TNFRSF6B: variants seen among roughly 807,000 people sequenced by gnomAD.
TNFRSF6B encodes tumor necrosis factor receptor superfamily member 6B.
In TNFRSF6B, 23 loss-of-function variants were observed where a neutral mutation model predicts 17.9. That is an observed-to-expected ratio of 1.28 (90% CI 0.92 to 1.82). The LOEUF (loss-of-function observed/expected upper bound fraction) is 1.82, where lower values mean the gene tolerates loss of function less well. Among genes scored for constraint, TNFRSF6B ranks in the 40% most tolerant of loss-of-function variants. The pLI, the probability that TNFRSF6B is intolerant of heterozygous loss-of-function variation, is 0.00. For synonymous variants in TNFRSF6B, 291 were observed against 195.8 expected (o/e 1.49, Z -4.06); for missense variants, 555 against 437.2 (o/e 1.27, Z -2.40).
chr20:63,696,692 GAGGTGGCATGTCGGTCAGGCACAGC>G lies in TNFRSF6B; in HGVS notation c.-72_-48del. The G allele has an allele frequency of 1.4e-6, 2 of 1,423,634 alleles. No homozygotes were observed. Among genetic ancestry groups the G allele is most frequent in the Non-Finnish European group, 1.8e-6 (2 of 1,083,784 alleles). The allele number at this position is 1,423,634 out of a possible 1,614,324, so 88.2% of individuals were successfully genotyped here. A position where few individuals can be genotyped will look rare whatever the true frequency, so the allele number is the denominator to read the frequency against. Reference sequence around the variant, plus strand: ...CTCCGCAGGCGGACCGGGGGCAAAGGAGGTGGCATGTCGGTCAGGCACAGCAGGGTCCTGTGTCCGCGCTGAGCCG... The same window carrying G: ...CTCCGCAGGCGGACCGGGGGCAAAGGAGGGTCCTGTGTCCGCGCTGAGCCG... On this transcript the variant is annotated 5_prime_UTR_variant, in exon 1 of 3. It removes an upstream start codon present in the reference 5' UTR. Coordinates refer to ENST00000369996, the MANE Select transcript of TNFRSF6B (RefSeq NM_003823.4).
Position 63,697,373 on chromosome 20 carries a change from C to A in TNFRSF6B, c.470C>A (p.Thr157Asn). 6.2e-7 allele frequency: 1 copy of A among 1,612,244 alleles called. No individual in the cohort carries two copies. Among genetic ancestry groups the A allele is most frequent in the Non-Finnish European group, 8.5e-7 (1 of 1,179,764 alleles). Reference sequence around the variant, plus strand: ...CAGTGCCAGCCGTGCCCCCCAGGCACCTTCTCAGCCAGCAGCTCCAGCTCA... The same window carrying A: ...CAGTGCCAGCCGTGCCCCCCAGGCAACTTCTCAGCCAGCAGCTCCAGCTCA... Reference protein sequence around the residue: ...NTQCQPCPPGTFSASSSSSEQ... With the variant: ...NTQCQPCPPGNFSASSSSSEQ... The change falls in exon 2 of 3, where the codon ACC becomes AAC. Residue 157 changes from threonine to asparagine, a missense_variant. Transcript: ENST00000369996.
At position 63,696,716 on chromosome 20, in the gene TNFRSF6B, G is replaced by C. The variant is rs1328788840; in HGVS notation, c.-52G>C. 1.4e-6 allele frequency: 2 copies of C among 1,472,968 alleles called. No homozygotes were observed. The highest frequency in any genetic ancestry group is 2.8e-5 in the African/African-American group (2 of 71,352). The allele number at this position is 1,472,968 out of a possible 1,614,324, so 91.2% of individuals were successfully genotyped here. A position where few individuals can be genotyped will look rare whatever the true frequency, so the allele number is the denominator to read the frequency against. On this transcript the variant is annotated 5_prime_UTR_variant, in exon 1 of 3. Coordinates refer to ENST00000369996, the MANE Select transcript of TNFRSF6B (RefSeq NM_003823.4). Reference sequence around the variant, plus strand: ...GGAGGTGGCATGTCGGTCAGGCACAGCAGGGTCCTGTGTCCGCGCTGAGCC... The same window carrying C: ...GGAGGTGGCATGTCGGTCAGGCACACCAGGGTCCTGTGTCCGCGCTGAGCC...
In TNFRSF6B at chr20:63,698,444, A is replaced by C. The variant is rs2091034515; in HGVS notation, c.784A>C (p.Thr262Pro). The C allele has an allele frequency of 6.4e-7, 1 of 1,569,392 alleles. No individual in the cohort carries two copies. Among genetic ancestry groups the C allele is most frequent in the Non-Finnish European group, 8.6e-7 (1 of 1,162,188 alleles). The change falls in exon 3 of 3, where the codon ACG becomes CCG. Residue 262 changes from threonine to proline, a missense_variant. By Grantham distance (38) the Thr-to-Pro change is conservative. Transcript: ENST00000369996. ...GCAGCTGAAGCTGCGTCGGCGGCTC[A>C]CGGAGCTCCTGGGGGCGCAGGACGG... is the stretch of plus-strand genomic sequence containing the variant. ...ALQLKLRRRL[T>P]ELLGAQDGAL...
intron 2 of TNFRSF6B, 118 bp downstream of exon 2, chr20:63,697,640 C>T (rs766014205): frequency 1.7e-6 from 2 of 1,174,026 alleles, no homozygotes; most frequent in East Asian, 2.7e-5. Context: ...GAAGGGGCCA[C>T]AGTGGATTTG....
rs780421234 is a variant in TNFRSF6B at position 63,697,282 on chromosome 20, C to T, written c.425-46C>T. 9 of 1,580,554 alleles carry T rather than the reference C, an allele frequency of 5.7e-6. No homozygotes were observed. The African/African-American group carries it at 6.7e-5, about 12-fold the overall frequency. On this transcript the variant is annotated intron_variant, in intron 1 of 2. Transcript: ENST00000369996. ...GCTGGTCCCAGCCTTGCACCCTGAG[C>T]TAGGACACCAGTTCCCCTGACCCTG... is the stretch of plus-strand genomic sequence containing the variant.
Position 63,697,509 on chromosome 20 carries a change from C to A in TNFRSF6B, c.606C>A (p.Ser202Arg), listed in dbSNP as rs1179818107. 1 of 1,549,832 alleles carries A rather than the reference C, an allele frequency of 6.5e-7. No homozygotes were observed. Among genetic ancestry groups the A allele is most frequent in the South Asian group, 1.2e-5 (1 of 84,876 alleles). ...CCAGCTGCACTGGCTTCCCCCTCAG[C>A]ACCAGGGTACCAGGTGAGCCAGAGG... The part of the protein sequence containing the change: ...LCTSCTGFPL[S>R]TRVPGAEECE... Residue 202 changes from serine to arginine, a missense_variant, in exon 2 of 3, where the codon AGC becomes AGA. Coordinates refer to ENST00000369996, the MANE Select transcript of TNFRSF6B (RefSeq NM_003823.4).
Position 63,697,334 on chromosome 20 carries a change from C to T in TNFRSF6B, c.431C>T (p.Pro144Leu), listed in dbSNP as rs928880150. Residue 144 changes from proline to leucine, a missense_variant, in exon 2 of 3, where the codon CCC (proline) becomes CTC (leucine). Pro to Leu is a moderately conservative substitution (Grantham distance 98). Coordinates refer to ENST00000369996, the MANE Select transcript of TNFRSF6B (RefSeq NM_003823.4). The stretch of plus-strand genomic sequence containing the variant: ...TCTTCCCTCCTGGCTGCAGGCACCC[C>T]CAGCCAGAACACGCAGTGCCAGCCG... ...PGAGVIAPGT[P>L]SQNTQCQPCP... 1 of 1,611,412 alleles carries T rather than the reference C, an allele frequency of 6.2e-7. No homozygotes were observed. The highest frequency in any genetic ancestry group is 2.2e-5 in the East Asian group (1 of 44,774).
At position 63,697,058 on chromosome 20, in the gene TNFRSF6B, G is replaced by A. The variant is rs916170518; in HGVS notation, c.291G>A (p.Glu97=). ...GCTACTGCAACGTCCTCTGCGGGGA[G>A]CGTGAGGAGGAGGCACGGGCTTGCC... ...RCRYCNVLCG[E]REEEARACHA... is the part of the protein sequence containing the mutation. Residue 97 remains glutamate, a synonymous_variant, in exon 1 of 3, where the codon GAG becomes GAA. Transcript: ENST00000369996. 1.9e-6 allele frequency: 3 copies of A among 1,607,634 alleles called. No homozygotes were observed. The highest frequency in any genetic ancestry group is 1.1e-5 in the South Asian group (1 of 90,952).
At position 63,697,475 on chromosome 20, in the gene TNFRSF6B, C is replaced by T. The variant is rs1035940708; in HGVS notation, c.572C>T (p.Thr191Ile). The change falls in exon 2 of 3, where the codon ACC (threonine) becomes ATC (isoleucine). Residue 191 changes from threonine (T) to isoleucine (I), a missense_variant. Thr to Ile is a moderately conservative substitution (Grantham distance 89). Transcript: ENST00000369996. Reference protein sequence around the residue: ...LNVPGSSSHDTLCTSCTGFPL... With the variant: ...LNVPGSSSHDILCTSCTGFPL... The stretch of plus-strand genomic sequence containing the variant: ...GTGCCAGGCTCTTCCTCCCATGACA[C>T]CCTGTGCACCAGCTGCACTGGCTTC... 1 of 1,580,720 alleles carries T rather than the reference C, an allele frequency of 6.3e-7. No homozygotes were observed.
Position 63,696,703 on chromosome 20 carries a change from T to G in TNFRSF6B, c.-65T>G. The G allele has an allele frequency of 2.8e-6, 4 of 1,439,490 alleles. No homozygotes were observed. The highest frequency in any genetic ancestry group is 3.6e-6 in the Non-Finnish European group (4 of 1,096,244). The allele number at this position is 1,439,490 out of a possible 1,614,324, so 89.2% of individuals were successfully genotyped here. A position where few individuals can be genotyped will look rare whatever the true frequency, so the allele number is the denominator to read the frequency against. On this transcript the variant is annotated 5_prime_UTR_variant, in exon 1 of 3. Coordinates refer to ENST00000369996, the MANE Select transcript of TNFRSF6B (RefSeq NM_003823.4). ...GACCGGGGGCAAAGGAGGTGGCATGTCGGTCAGGCACAGCAGGGTCCTGTG... is the reference window on the plus strand; with the variant it reads ...GACCGGGGGCAAAGGAGGTGGCATGGCGGTCAGGCACAGCAGGGTCCTGTG...
chr20:63,698,204 AAGCAGGGTACCTGGC>A, intron 2 of TNFRSF6B, 61 bp from the exon 3 acceptor site: 3 of 1,559,046 alleles, frequency 1.9e-6, no homozygotes, highest in Non-Finnish European at 2.6e-6. Context: ...GGGGCCCAGA[AAGCAGGGTACCTGGC>A]AGCCCCCGCC....
chr20:63,698,191 A>C, intron 2 of TNFRSF6B, 89 bp from the exon 3 acceptor site: 1 of 1,512,364 alleles, frequency 6.6e-7, no homozygotes. Context: ...AAACCCCCCG[A>C]GTGGGGCCCA....
intron 1 of TNFRSF6B, 46 bp downstream of exon 1, chr20:63,697,237 G>A: frequency 1.9e-6 from 3 of 1,551,752 alleles, no homozygotes; most frequent in Non-Finnish European, 2.6e-6. Context: ...GGTGGCCGGA[G>A]GTGTGGCAGG....
rs540583157 is a variant in TNFRSF6B, at chr20:63,696,895, CAG to C, written c.129_130del (p.Glu45AlafsTer54). On this transcript the variant is annotated frameshift_variant, in exon 1 of 3. Transcript: ENST00000369996. LOFTEE classifies it high-confidence loss of function. ...ACCTACCCCTGGCGGGACGCAGAGA[CAG>C]GGGAGCGGCTGGTGTGCGCCCAGTG... 1,038 of 1,611,760 alleles carry C rather than the reference CAG, an allele frequency of 6.4e-4. 1 individual carries two copies. The highest frequency in any genetic ancestry group is 1.1e-3 in the African/African-American group (80 of 75,042).
At position 63,698,158 on chromosome 20, in the gene TNFRSF6B, G is replaced by A. The variant is rs2091024829; in HGVS notation, c.620-122G>A. ...ACTGCCCTCTCCAGCACGGCTCACT[G>A]CACAGGGATTTCTCTCTCCTGCAAA... On this transcript the variant is annotated intron_variant, in intron 2 of 2. Coordinates refer to ENST00000369996, the MANE Select transcript of TNFRSF6B (RefSeq NM_003823.4). The A allele has an allele frequency of 3.8e-6, 5 of 1,302,850 alleles. No homozygotes were observed. The South Asian group carries it at 6.0e-5, about 16-fold the overall frequency. 80.7% of individuals were successfully genotyped at this position (1,302,850 alleles called of 1,614,324 possible).
chr20:63,698,602 C>A lies in TNFRSF6B; in HGVS notation c.*39C>A. On this transcript the variant is annotated 3_prime_UTR_variant, in exon 3 of 3. Transcript: ENST00000369996. ...TTATTTATTCTACATCCTTGGCACC[C>A]CACTTGCACTGAAAGAGGCTTTTTT... 1.4e-6 allele frequency: 2 copies of A among 1,450,460 alleles called. No individual in the cohort carries two copies. The highest frequency in any genetic ancestry group is 1.5e-5 in the South Asian group (1 of 68,002). The allele number at this position is 1,450,460 out of a possible 1,614,324, so 89.8% of individuals were successfully genotyped here.
In TNFRSF6B at chr20:63,697,135, C is replaced by G; in HGVS notation, c.368C>G (p.Ala123Gly). The change falls in exon 1 of 3, where the codon GCT becomes GGT. Residue 123 changes from alanine (A) to glycine (G), a missense_variant. Transcript: ENST00000369996. ...CRCRTGFFAH[A>G]GFCLEHASCP... ...TGCCGCACCGGCTTCTTCGCGCACG[C>G]TGGTTTCTGCTTGGAGCACGCATCG... The G allele has an allele frequency of 1.9e-6, 3 of 1,586,640 alleles. No homozygotes were observed. Among genetic ancestry groups the G allele is most frequent in the Non-Finnish European group, 2.6e-6 (3 of 1,169,052 alleles).
chr20:63,697,643 T>G, intron 2 of TNFRSF6B, 121 bp downstream of exon 2: 2 of 1,126,686 alleles, frequency 1.8e-6, no homozygotes, highest in Non-Finnish European at 2.4e-6. Flanking sequence ...GGGGCCACAG[T>G]GGATTTGAGG....
chr20:63,697,076 G>T lies in TNFRSF6B; in HGVS notation c.309G>T (p.Arg103=). ...GCGGGGAGCGTGAGGAGGAGGCACG[G>T]GCTTGCCACGCCACCCACAACCGTG... ...VLCGEREEEA[R]ACHATHNRAC... The change falls in exon 1 of 3, where the codon CGG becomes CGT. Residue 103 remains arginine (R), a synonymous_variant. Coordinates refer to ENST00000369996, the MANE Select transcript of TNFRSF6B (RefSeq NM_003823.4). 6.2e-7 allele frequency: 1 copy of T among 1,605,192 alleles called. No individual in the cohort carries two copies.
Sources: allele counts gnomAD v4.1 joint callset, GRCh38; gene constraint gnomAD v4.1.1; transcripts MANE v1.5; gene names NCBI Gene and HGNC (gene_info 2026-07-23, HGNC 2026-07-21).